The following GAS2 variants were observed in gnomAD, a reference collection of about 807,000 sequenced individuals.
GAS2 encodes the protein growth arrest-specific protein 2.
In GAS2, 20 loss-of-function variants were observed where a neutral mutation model predicts 37.5. That is an observed-to-expected ratio of 0.53 (90% confidence interval 0.37 to 0.77). The LOEUF (loss-of-function observed/expected upper bound fraction) is 0.77. Ranked by LOEUF, GAS2 falls within the 30% of genes least tolerant of loss-of-function variation. GAS2 has a pLI of 0.00. For synonymous variants in GAS2, 144 were observed against 132.2 expected, an observed-to-expected ratio of 1.09 and a Z score of -0.61; for missense variants, 336 against 373.4, an observed-to-expected ratio of 0.90 and a Z score of 0.82.
At chr11:22,659,128 C>A (rs337512) in intron 1 of GAS2, among the ~76,000 whole-genome samples, 1 of 152,176 alleles carries the variant, frequency 6.6e-6, no homozygotes, top group Non-Finnish European at 1.5e-5. Context: ...GAAACCTGTT[C>A]AAGTTTTATT....
chr11:22,795,475 A>T (rs1856382477), intron 7 of GAS2, among the ~76,000 whole-genome samples: 1 of 152,138 alleles, frequency 6.6e-6, no homozygotes, highest in Non-Finnish European at 1.5e-5. Flanking sequence ...AGAAGATGAG[A>T]TATTAGCAAG....
intron 5 of GAS2, among the ~76,000 whole-genome samples, chr11:22,742,833 A>G (rs944786132): frequency 6.6e-6 from 1 of 152,094 alleles, no homozygotes; most frequent in African/African-American, 2.4e-5. Context: ...TATGCAATCT[A>G]TTCCTGAAAG....
chr11:22,683,958 T>A (rs1350085575), intron 2 of GAS2, among the ~76,000 whole-genome samples: 1 of 152,204 alleles, frequency 6.6e-6, no homozygotes, highest in Non-Finnish European at 1.5e-5. Flanking sequence ...TAAGTGATAT[T>A]CATGAGTATG....
Position 22,721,366 on chromosome 11 carries a change from A to G in GAS2, c.268-4926A>G, listed in dbSNP as rs1042942116. 1.3e-4 allele frequency among the ~76,000 whole-genome samples: 20 copies of G among 152,166 alleles called. 1 individual carries two copies. Among genetic ancestry groups the G allele is most frequent in the African/African-American group, 7.2e-5 (3 of 41,574 alleles). The stretch of plus-strand genomic sequence containing the variant: ...ATAGAATTAGTTATGAATGCGCTTC[A>G]TGACACCATAACTAGGACATACTGC... On this transcript the variant is annotated intron_variant, in intron 3 of 7. Coordinates refer to ENST00000454584, the MANE Select transcript of GAS2 (RefSeq NM_001143830.3).
rs369290203 is a variant in GAS2, at chr11:22,669,123, A to G, written c.-21+2224A>G. Among the ~76,000 whole-genome samples, 57 of 152,338 alleles carry G rather than the reference A, an allele frequency of 3.7e-4. 2 individuals carry two copies. The South Asian group carries it at 0.011, about 29-fold the overall frequency. ...GTGTATATATTTCCACAGAATGTAGAACCCTGCTGGTTCTTAACTACATTA... is the reference window on the plus strand; with the variant it reads ...GTGTATATATTTCCACAGAATGTAGGACCCTGCTGGTTCTTAACTACATTA... On this transcript the variant is annotated intron_variant, in intron 1 of 7. Transcript: ENST00000454584.
At chr11:22,705,572 T>C (rs1851075026) in intron 3 of GAS2, among the ~76,000 whole-genome samples, 1 of 152,184 alleles carries the variant, frequency 6.6e-6, no homozygotes, top group South Asian at 2.1e-4. Context: ...TATAATAATA[T>C]AGATATCAAT....
chr11:22,790,880 G>C (rs1413844802), intron 7 of GAS2, among the ~76,000 whole-genome samples: 1 of 152,030 alleles, frequency 6.6e-6, no homozygotes, highest in Non-Finnish European at 1.5e-5. Flanking sequence ...TTGAAATGTA[G>C]CATATGCAGA....
intron 7 of GAS2, among the ~76,000 whole-genome samples, chr11:22,757,940 G>A (rs1190255940): frequency 6.6e-6 from 1 of 152,074 alleles, no homozygotes; most frequent in African/African-American, 2.4e-5. Context: ...TTCATAGGCA[G>A]GTCACATGTG....
intron 1 of GAS2, among the ~76,000 whole-genome samples, chr11:22,639,796 A>G (rs1858887144): frequency 6.6e-6 from 1 of 152,160 alleles, no homozygotes; most frequent in South Asian, 2.1e-4. Flanking sequence ...GTAACTAGAT[A>G]AAATTTTTTC....
At chr11:22,787,195 T>A (rs1266653300) in intron 7 of GAS2, among the ~76,000 whole-genome samples, 1 of 152,206 alleles carries the variant, frequency 6.6e-6, no homozygotes. Context: ...TGGAGTTTTC[T>A]GAAATGTATG....
intron 3 of GAS2, among the ~76,000 whole-genome samples, chr11:22,706,102 C>T (rs1052566008): frequency 6.6e-6 from 1 of 152,122 alleles, no homozygotes. Flanking sequence ...TGGATGCTGG[C>T]ATTTATCTTA....
intron 3 of GAS2, among the ~76,000 whole-genome samples, chr11:22,716,747 C>T (rs576650314): frequency 1.1e-4 from 16 of 151,856 alleles, no homozygotes; most frequent in African/African-American, 3.9e-4. Flanking sequence ...CCTAGAAAAC[C>T]CTAAAGACTC....
intron 3 of GAS2, among the ~76,000 whole-genome samples, chr11:22,691,544 G>A (rs1238609564): frequency 6.6e-6 from 1 of 152,112 alleles, no homozygotes; most frequent in Non-Finnish European, 1.5e-5. Flanking sequence ...TGATTAATCT[G>A]GAGTCATTCA....
chr11:22,684,283 A>C (rs1162923216), intron 2 of GAS2, among the ~76,000 whole-genome samples: 1 of 152,212 alleles, frequency 6.6e-6, no homozygotes, highest in Non-Finnish European at 1.5e-5. Flanking sequence ...GGATTGTGCA[A>C]TAAAGGTGTC....
At chr11:22,667,027 A>T (rs959790662) in intron 1 of GAS2, 128 bp downstream of exon 1, 4 of 152,250 alleles carry the variant, frequency 2.6e-5, no homozygotes, top group African/African-American at 9.6e-5. Context: ...AGAGGTCATT[A>T]AAAAATAACC....
intron 7 of GAS2, among the ~76,000 whole-genome samples, chr11:22,766,707 A>T (rs959243343): frequency 1.3e-5 from 2 of 152,170 alleles, no homozygotes; most frequent in South Asian, 4.1e-4. Flanking sequence ...CAGTATAGTT[A>T]TTTATTTTCT....
chr11:22,787,592 A>C (rs1025770884), intron 7 of GAS2, among the ~76,000 whole-genome samples: 1 of 152,156 alleles, frequency 6.6e-6, no homozygotes, highest in Non-Finnish European at 1.5e-5. Flanking sequence ...AAGAAAAAAG[A>C]AAAAGAAAAA....
upstream of GAS2, among the ~76,000 whole-genome samples, chr11:22,664,318 T>C (rs1848950337): frequency 3.3e-5 from 2 of 60,642 alleles, no homozygotes; most frequent in South Asian, 1.0e-3. Flanking sequence ...GAGAGTTATC[T>C]ACATAGGAGG....
Position 22,804,634 on chromosome 11 carries a change from G to T in GAS2, c.724-7164G>T, listed in dbSNP as rs554425064. 2.6e-5 allele frequency among the ~76,000 whole-genome samples: 4 copies of T among 152,180 alleles called. No homozygotes were observed. The South Asian group carries it at 8.3e-4, about 32-fold the overall frequency. ...AAAGTAAGAGTGGAAATTAATGAGA[G>T]TTAGAACATAGTGGGAGGAATTGAA... On this transcript the variant is annotated intron_variant, in intron 7 of 7. Coordinates refer to ENST00000454584, the MANE Select transcript of GAS2 (RefSeq NM_001143830.3).
Sources: gnomAD v4.1 joint callset for allele counts (sites outside exome capture counted in the v4.1 genomes callset) on GRCh38, gnomAD v4.1.1 for gene constraint, MANE v1.5 for transcripts, NCBI Gene and HGNC (gene_info 2026-07-23, HGNC 2026-07-21) for gene names.